MUC4: variants seen among roughly 807,000 people sequenced by gnomAD.
The protein encoded by MUC4 is mucin-4.
Under a neutral mutation model 257.9 loss-of-function variants are expected in MUC4, and 202 were observed. The ratio of observed to expected loss-of-function variants is 0.78; its 90% CI spans 0.70 to 0.88. The LOEUF is 0.88. Among genes scored for constraint, MUC4 ranks in the 40% least tolerant of loss-of-function variants. The pLI is 0.00. For missense variants in MUC4, 5,976 were observed against 6,513.7 expected (o/e 0.92, Z 2.84); for synonymous variants, 2,351 against 2,757.1 (o/e 0.85, Z 4.62).
rs1730520242 is a variant in MUC4, at chr3:195,784,699, GGGCTAGTGA to G, written c.6872_6880del (p.Val2291_Pro2294delinsAla). On this transcript the variant is annotated inframe_deletion, in exon 2 of 25. Transcript: ENST00000463781. ...GGCGTGACCTGTGGATGCTGAGGAA[GGGCTAGTGA>G]CAGGAAGAGGAGTGGTGTCACCTGT... The G allele has an allele frequency of 2.6e-5, 38 of 1,445,430 alleles. 1 individual carries two copies. The highest frequency in any genetic ancestry group is 1.1e-4 in the Admixed American group (5 of 46,482). The allele number at this position is 1,445,430 out of a possible 1,614,324, so 89.5% of individuals were successfully genotyped here.
At chr3:195,759,918 A>AACACACACACACGCACGCACGCACGC (rs1553855204) in intron 16 of MUC4, among the ~76,000 whole-genome samples, 6 of 149,738 alleles carry the variant, frequency 4.0e-5, no homozygotes, top group African/African-American at 7.4e-5. Flanking sequence ...AAACTCCGTC[A>AACACACACACACGCACGCACGCACGC]ACACACACAC....
At chr3:195,802,738 G>C (rs932163860) in intron 1 of MUC4, among the ~76,000 whole-genome samples, 1 of 152,204 alleles carries the variant, frequency 6.6e-6, no homozygotes, top group East Asian at 1.9e-4. Flanking sequence ...GTCTGTGTGC[G>C]TGGCAGGGTG....
chr3:195,747,100 C>G lies in MUC4; in HGVS notation c.*76G>C. On this transcript the variant is annotated 3_prime_UTR_variant, in exon 25 of 25. Transcript: ENST00000463781. ...TCAGTCACCTTCCCTTTTCCAGTCT[C>G]CCAAAAGCAATGGCGCCTTAAATGT... 6.3e-7 allele frequency: 1 copy of G among 1,576,312 alleles called. No homozygotes were observed.
At chr3:195,793,501 C>A (rs1459704962) in intron 1 of MUC4, among the ~76,000 whole-genome samples, 2 of 132,164 alleles carry the variant, frequency 1.5e-5, no homozygotes, top group East Asian at 2.0e-4. Context: ...GATTCTGTCT[C>A]AAAAAAAAAA....
rs1560264351 is a variant in MUC4, at chr3:195,767,739, T to TAC, written c.13530-989_13530-988insGT. Among the ~76,000 whole-genome samples the TAC allele has an allele frequency of 7.0e-3, 22 of 3,150 alleles. 5 individuals are homozygous for TAC. The highest frequency in any genetic ancestry group is 0.011 in the Non-Finnish European group (16 of 1,496). The allele number at this position is 3,150 out of a possible 152,430, so 2.1% of individuals were successfully genotyped here. ...GCCACCACCACCATCACCACCACCA[T>TAC]CACCATCGCCACCACCACCATCACC... On this transcript the variant is annotated intron_variant, in intron 7 of 24. Transcript: ENST00000463781.
intron 23 of MUC4, chr3:195,749,912 C>G (rs1716024555): frequency 6.6e-6 from 1 of 152,324 alleles, no homozygotes; most frequent in African/African-American, 2.4e-5. Context: ...CTGCAATAAA[C>G]ATACGATGCT....
At position 195,765,444 on chromosome 3, in the gene MUC4, G is replaced by A. The variant is rs1441848337; in HGVS notation, c.13624C>T (p.Gln4542Ter). 1 of 1,611,716 alleles carries A rather than the reference G, an allele frequency of 6.2e-7. No homozygotes were observed. Among genetic ancestry groups the A allele is most frequent in the Non-Finnish European group, 8.5e-7 (1 of 1,178,728 alleles). Residue 4542 changes from glutamine to a stop codon, truncating the protein, a stop_gained, in exon 9 of 25, where the codon CAA becomes TAA. Coordinates refer to ENST00000463781, the MANE Select transcript of MUC4 (RefSeq NM_018406.7). LOFTEE classifies it high-confidence loss of function. ...DRFLNSNSGLQGLQFYRLHRE... is the reference protein window; with the variant it reads ...DRFLNSNSGL Reference sequence around the variant, plus strand: ...TGTAGCCTGTAGAACTGCAGCCCTTGGAGGCCTGAGGTCGGGGATGGGGGG... The same window carrying A: ...TGTAGCCTGTAGAACTGCAGCCCTTAGAGGCCTGAGGTCGGGGATGGGGGG...
chr3:195,788,864 G>A lies in MUC4; in HGVS notation c.2716C>T (p.Arg906Trp), dbSNP rs751461122. 58 of 1,613,748 alleles carry A rather than the reference G, an allele frequency of 3.6e-5. No homozygotes were observed. Among genetic ancestry groups the A allele is most frequent in the Non-Finnish European group, 4.2e-5 (50 of 1,179,852 alleles). ...CTTGTCCTCTGAGTCTGGGCCATCCGGGAAATGGCGGCTGTCTCCTGAGGA... is the reference window on the plus strand; with the variant it reads ...CTTGTCCTCTGAGTCTGGGCCATCCAGGAAATGGCGGCTGTCTCCTGAGGA... ...ASPQETAAIS[R>W]MAQTQRTRTS... Residue 906 changes from arginine (R) to tryptophan (W), a missense_variant, in exon 2 of 25, where the codon CGG (arginine) becomes TGG (tryptophan). Around this residue, in one of 44 missense-constraint regions of MUC4, gnomAD observed 1,583 missense variants for 1,257.4 expected, o/e 1.26. Coordinates refer to ENST00000463781, the MANE Select transcript of MUC4 (RefSeq NM_018406.7).
chr3:195,764,027 C>T lies in MUC4; in HGVS notation c.14044+18G>A, dbSNP rs777281415. On this transcript the variant is annotated intron_variant, in intron 11 of 24. Transcript: ENST00000463781. ...CCCTCCCCAGAGGCTCTTCCTGGGC[C>T]TGGGCCCTGTCGCTCACCGGGCTGT... 5.0e-6 allele frequency: 8 copies of T among 1,606,408 alleles called. No individual in the cohort carries two copies. In the South Asian group the frequency reaches 8.9e-5, roughly 18 times the overall value.
At chr3:195,792,409 T>G (rs1487133235) in intron 1 of MUC4, among the ~76,000 whole-genome samples, 35 of 152,122 alleles carry the variant, frequency 2.3e-4, no homozygotes, top group Non-Finnish European at 2.9e-5. Flanking sequence ...ATTAGAGAAA[T>G]GCAAATCAAA....
intron 1 of MUC4, among the ~76,000 whole-genome samples, chr3:195,805,221 C>T (rs115272096): frequency 0.012 from 1,760 of 152,214 alleles, 32 homozygotes; most frequent in African/African-American, 0.04. Flanking sequence ...CGATCCCCGC[C>T]GAAGTCACAC....
In MUC4 at chr3:195,787,132, G is replaced by C; in HGVS notation, c.4448C>G (p.Thr1483Arg). 8.7e-7 allele frequency: 1 copy of C among 1,150,068 alleles called. No homozygotes were observed. Among genetic ancestry groups the C allele is most frequent in the Non-Finnish European group, 1.2e-6 (1 of 836,694 alleles). 71.2% of individuals were successfully genotyped at this position (1,150,068 alleles called of 1,614,324 possible). The change falls in exon 2 of 25, where the codon ACA becomes AGA. Residue 1483 changes from threonine to arginine, a missense_variant. Around this residue, in one of 44 missense-constraint regions of MUC4, gnomAD observed 19 missense variants for 83.2 expected, o/e 0.23. Coordinates refer to ENST00000463781, the MANE Select transcript of MUC4 (RefSeq NM_018406.7). ...LLVTDTSSVS[T>R]GDTTPLPVTS... is the part of the protein sequence containing the mutation. ...GACAGGAAGAGGCGTGGTGTCACCTGTGGATACTGAGGAAGTGTCGGTGAC... is the reference window on the plus strand; with the variant it reads ...GACAGGAAGAGGCGTGGTGTCACCTCTGGATACTGAGGAAGTGTCGGTGAC...
intron 24 of MUC4, among the ~76,000 whole-genome samples, chr3:195,748,575 T>C (rs1223436900): frequency 2.0e-5 from 3 of 152,256 alleles, no homozygotes; most frequent in Admixed American, 6.5e-5. Context: ...AACATAAAAA[T>C]ATAAAAAATG....
chr3:195,766,430 G>A (rs897993568), intron 8 of MUC4, among the ~76,000 whole-genome samples: 14 of 152,078 alleles, frequency 9.2e-5, no homozygotes, highest in African/African-American at 3.4e-4. Context: ...TCTGAGGGAG[G>A]AGATGTAGCC....
Position 195,788,959 on chromosome 3 carries a change from G to T in MUC4, c.2621C>A (p.Pro874His). The change falls in exon 2 of 25, where the codon CCC (proline) becomes CAC (histidine). Residue 874 changes from proline (P) to histidine (H), a missense_variant. Physicochemically the swap from Pro to His is moderately conservative, Grantham distance 77. This residue lies in a region of MUC4 where 1,583 missense variants were observed against 1,257.4 expected (regional missense o/e 1.26). Coordinates refer to ENST00000463781, the MANE Select transcript of MUC4 (RefSeq NM_018406.7). Reference sequence around the variant, plus strand: ...TGCAGTGGAGGCCTCAGAGAGGGTGGGATGAAAGGTGCCGGGGACGATCGA... The same window carrying T: ...TGCAGTGGAGGCCTCAGAGAGGGTGTGATGAAAGGTGCCGGGGACGATCGA... ...ASSIVPGTFH[P>H]TLSEASTAGR... 1.9e-6 allele frequency: 3 copies of T among 1,613,614 alleles called. No individual in the cohort carries two copies. Among genetic ancestry groups the T allele is most frequent in the Non-Finnish European group, 1.7e-6 (2 of 1,179,732 alleles).
chr3:195,765,346 C>T lies in MUC4; in HGVS notation c.13722G>A (p.Trp4574Ter), dbSNP rs1720214743. Residue 4574 changes from tryptophan to a stop codon, truncating the protein, a stop_gained, in exon 9 of 25, where the codon TGG (tryptophan) becomes TGA (stop). Transcript: ENST00000463781. LOFTEE classifies it high-confidence loss of function. ...WLKSQPRWPS[W>*]GWNQVSCPCS... ...AAGGGCAGGAGACCTGGTTCCAGCC[C>T]CAGCTGGGCCACCGAGGCTGGCTCT... 6.2e-7 allele frequency: 1 copy of T among 1,613,730 alleles called. No individual in the cohort carries two copies. Among genetic ancestry groups the T allele is most frequent in the Non-Finnish European group, 8.5e-7 (1 of 1,180,010 alleles).
chr3:195,799,169 T>C (rs186573941), intron 1 of MUC4, among the ~76,000 whole-genome samples: 50 of 152,242 alleles, frequency 3.3e-4, no homozygotes, highest in Admixed American at 2.0e-3. Context: ...GCTCGCAATT[T>C]CTCCTTAATA....
intron 1 of MUC4, among the ~76,000 whole-genome samples, chr3:195,796,970 C>T (rs932341041): frequency 1.3e-5 from 2 of 152,186 alleles, no homozygotes; most frequent in Admixed American, 1.3e-4. Context: ...TGGCCGGGCG[C>T]GGCGGCTCAC....
At chr3:195,760,569 G>GGGGGCTGGGAAGGGGTCCAGTGGA in intron 16 of MUC4, among the ~76,000 whole-genome samples, 1 of 28,940 alleles carries the variant, frequency 3.5e-5, no homozygotes. Flanking sequence ...ATGGAGTGGA[G>GGGGGCTGGGAAGGGGTCCAGTGGA]GGGGCTGGGA....
Sources: allele counts gnomAD v4.1 joint callset (sites outside exome capture counted in the v4.1 genomes callset), GRCh38; gene constraint gnomAD v4.1.1; regional missense constraint gnomAD v4.1.1; transcripts MANE v1.5; gene names NCBI Gene and HGNC (gene_info 2026-07-23, HGNC 2026-07-21).